Variants in USP42 observed in about 807,000 individuals in gnomAD.
USP42 encodes ubiquitin specific peptidase 42, also known as ubiquitin carboxyl-terminal hydrolase 42.
Under a neutral mutation model 113.0 loss-of-function variants are expected in USP42, and 23 were observed. That is an observed-to-expected ratio of 0.20 (90% CI 0.15 to 0.29). The LOEUF is 0.29. Ranked by LOEUF, USP42 falls within the 10% of genes least tolerant of loss-of-function variation. USP42 has a pLI of 1.00. For synonymous variants in USP42, 933 were observed against 699.0 expected, an observed-to-expected ratio of 1.33 and a Z score of -5.28; for missense variants, 2,174 against 1,779.8, an observed-to-expected ratio of 1.22 and a Z score of -3.99.
At chr7:6,110,415 G>C (rs940393934) in intron 1 of USP42, among the ~76,000 whole-genome samples, 1 of 152,148 alleles carries the variant, frequency 6.6e-6, no homozygotes, top group Non-Finnish European at 1.5e-5. Flanking sequence ...TGCTCAATTA[G>C]TGGTAGCCCT....
chr7:6,085,337 C>T, the USP42 span: 3 of 149,886 alleles, frequency 2.0e-5, no homozygotes, highest in African/African-American at 5.0e-5. Context: ...ACTTTGGCCA[C>T]GCTGGTCTGG....
chr7:6,117,584 G>A (rs977758980), intron 3 of USP42, among the ~76,000 whole-genome samples: 1 of 152,140 alleles, frequency 6.6e-6, no homozygotes, highest in Non-Finnish European at 1.5e-5. Context: ...TTGGTCCTGG[G>A]GTGGGTGTGT....
At chr7:6,129,003 G>A (rs1780694597) in intron 3 of USP42, among the ~76,000 whole-genome samples, 1 of 152,018 alleles carries the variant, frequency 6.6e-6, no homozygotes, top group Middle Eastern at 3.4e-3. Context: ...GTAGAGACAG[G>A]GTTTCACCAT....
At chr7:6,104,359 G>A (rs1779125036), upstream of USP42, among the ~76,000 whole-genome samples, 2 of 152,184 alleles carry the variant, frequency 1.3e-5, no homozygotes, top group Admixed American at 1.3e-4. Flanking sequence ...TGGGATTAAG[G>A]CGTGAGCCAC....
At chr7:6,093,116 CTCTT>C in the USP42 span, 1 of 149,784 alleles carries the variant, frequency 6.7e-6, no homozygotes, top group Non-Finnish European at 1.5e-5. Context: ...ACGGAAGGTA[CTCTT>C]TCTTCCTTCC....
the USP42 span, among the ~76,000 whole-genome samples, chr7:6,094,605 A>G: frequency 1.3e-5 from 2 of 151,228 alleles, no homozygotes. Flanking sequence ...ATTGTCACCT[A>G]TGATGGTTCA....
chr7:6,144,277 A>G, intron 9 of USP42, 81 bp downstream of exon 9: 1 of 928,484 alleles, frequency 1.1e-6, no homozygotes, highest in Non-Finnish European at 1.6e-6. Context: ...AGGATTAAGG[A>G]CTCGACTTTC....
intron 3 of USP42, 60 bp from the exon 4 acceptor site, chr7:6,135,781 C>T: frequency 2.1e-6 from 2 of 961,196 alleles, no homozygotes; most frequent in Non-Finnish European, 3.0e-6. Context: ...TTGTAATTAG[C>T]CTTGATGTGT....
Position 6,150,094 on chromosome 7 carries a change from G to A in USP42, c.1898G>A (p.Ser633Asn), listed in dbSNP as rs1396589896. ...GKENGIGTIV[S>N]SHSPGQDAED... ...GAGAATGGGATTGGTACGATTGTGA[G>A]CTCCCACTCTCCCGGCCAAGATGCC... Residue 633 changes from serine to asparagine, a missense_variant, in exon 13 of 18, where the codon AGC becomes AAC. By Grantham distance (46) the Ser-to-Asn change is conservative. Transcript: ENST00000306177. 1 of 1,610,594 alleles carries A rather than the reference G, an allele frequency of 6.2e-7. No homozygotes were observed. Among genetic ancestry groups the A allele is most frequent in the Non-Finnish European group, 8.5e-7 (1 of 1,178,416 alleles).
Position 6,153,795 on chromosome 7 carries a change from CGCCGA to C in USP42, c.2245_2249del (p.Glu749SerfsTer67). On this transcript the variant is annotated frameshift_variant, in exon 15 of 18. Coordinates refer to ENST00000306177, the MANE Select transcript of USP42 (RefSeq NM_032172.3). LOFTEE classifies it high-confidence loss of function. The stretch of plus-strand genomic sequence containing the variant: ...AGAGGGGCCCTCCCGAGGACCGCGA[CGCCGA>C]GCCTCAGCCTGGCAGCCCCGCCGCC... 6.6e-7 allele frequency: 1 copy of C among 1,509,334 alleles called. No homozygotes were observed. The highest frequency in any genetic ancestry group is 8.9e-7 in the Non-Finnish European group (1 of 1,127,436). The allele number at this position is 1,509,334 out of a possible 1,614,324, so 93.5% of individuals were successfully genotyped here.
At chr7:6,146,342 A>C in intron 11 of USP42, 94 bp downstream of exon 11, 1 of 831,314 alleles carries the variant, frequency 1.2e-6, no homozygotes, top group East Asian at 2.8e-5. Flanking sequence ...TGTTTTAAAA[A>C]AAAAAAAAAA....
intron 3 of USP42, among the ~76,000 whole-genome samples, chr7:6,117,964 T>G (rs941400175): frequency 1.3e-5 from 2 of 152,230 alleles, no homozygotes; most frequent in African/African-American, 4.8e-5. Flanking sequence ...TCTTTATATA[T>G]CCTCGATATA....
chr7:6,116,720 T>A (rs1023154486), intron 3 of USP42: 4 of 508,276 alleles, frequency 7.9e-6, no homozygotes, highest in Non-Finnish European at 1.6e-5. Flanking sequence ...TCACCTAGAA[T>A]CTCACCACCT....
At chr7:6,128,607 G>C (rs936651642) in intron 3 of USP42, among the ~76,000 whole-genome samples, 1 of 152,030 alleles carries the variant, frequency 6.6e-6, no homozygotes, top group Non-Finnish European at 1.5e-5. Context: ...TGCTGCTCTA[G>C]GCTGGGTGTC....
chr7:6,155,251 C>A, intron 15 of USP42, 56 bp downstream of exon 15: 1 of 1,464,820 alleles, frequency 6.8e-7, no homozygotes, highest in Non-Finnish European at 9.0e-7. Flanking sequence ...AGCAGTGGGG[C>A]CTGTCCCTTC....
At chr7:6,111,856 A>C (rs919326702) in intron 2 of USP42, 1 of 150,776 alleles carries the variant, frequency 6.6e-6, no homozygotes, top group African/African-American at 2.5e-5. Context: ...CTCATGATCC[A>C]CCCACCTCAG....
intron 2 of USP42, among the ~76,000 whole-genome samples, chr7:6,114,654 GTGTATATATA>G (rs1158477996): frequency 1.4e-5 from 1 of 69,300 alleles, no homozygotes; most frequent in East Asian, 7.1e-4. Context: ...GTATGTGTGT[GTGTATATATA>G]TATATATATA....
In USP42 at chr7:6,154,176, C is replaced by T. The variant is rs1278253004; in HGVS notation, c.2622C>T (p.His874=). 2 of 1,599,714 alleles carry T rather than the reference C, an allele frequency of 1.3e-6. No homozygotes were observed. The highest frequency in any genetic ancestry group is 1.1e-5 in the South Asian group (1 of 90,534). The change falls in exon 15 of 18, where the codon CAC becomes CAT. Residue 874 remains histidine (H), a synonymous_variant. Coordinates refer to ENST00000306177, the MANE Select transcript of USP42 (RefSeq NM_032172.3). The part of the protein sequence containing the change: ...EEPCEQPLLV[H]PSGDHARDAQ... ...CCTGCGAGCAGCCACTCCTTGTTCA[C>T]CCCAGCGGGGACCACGCCCGGGACG...
chr7:6,155,307 C>T (rs1234916238), intron 15 of USP42, 112 bp downstream of exon 15: 4 of 1,411,746 alleles, frequency 2.8e-6, no homozygotes, highest in South Asian at 1.6e-5. Flanking sequence ...CAGTTGTATC[C>T]GTCTGATTTG....
Sources: allele counts gnomAD v4.1 joint callset (sites outside exome capture counted in the v4.1 genomes callset), GRCh38; gene constraint gnomAD v4.1.1; transcripts MANE v1.5; gene names NCBI Gene and HGNC (gene_info 2026-07-23, HGNC 2026-07-21).